Variants in TUSC3 observed in about 807,000 individuals in gnomAD.
TUSC3 encodes the protein dolichyl-diphosphooligosaccharide--protein glycosyltransferase subunit TUSC3.
TUSC3 carries 45 observed loss-of-function variants against 44.8 expected under a neutral mutation model. The ratio of observed to expected loss-of-function variants is 1.00; its 90% CI spans 0.79 to 1.29. The LOEUF is 1.29. TUSC3 is among the 50% of genes most tolerant of loss of function. The pLI, the probability that TUSC3 is intolerant of heterozygous loss-of-function variation, is 0.00. For synonymous variants in TUSC3, 212 were observed against 152.9 expected (o/e 1.39, Z -2.85); for missense variants, 519 against 437.9 (o/e 1.19, Z -1.65).
At chr8:15,495,637 A>T (rs752661276) in intron 2 of TUSC3, among the ~76,000 whole-genome samples, 1 of 152,134 alleles carries the variant, frequency 6.6e-6, no homozygotes, top group Non-Finnish European at 1.5e-5. Context: ...AAATAAGCAC[A>T]GCTCCCTTTG....
At chr8:15,841,423 A>G in the TUSC3 span, among the ~76,000 whole-genome samples, 3 of 152,188 alleles carry the variant, frequency 2.0e-5, no homozygotes, top group Non-Finnish European at 2.9e-5. Context: ...ATTCTAATAT[A>G]ATCAGCCAAA....
chr8:15,566,326 C>T (rs1386949833), intron 1 of TUSC3, among the ~76,000 whole-genome samples: 1 of 152,192 alleles, frequency 6.6e-6, no homozygotes, highest in East Asian at 1.9e-4. Flanking sequence ...TAATTTTTTC[C>T]TGGAGCTCAG....
At chr8:15,747,343 C>T (rs1484283621) in intron 8 of TUSC3, among the ~76,000 whole-genome samples, 1 of 151,828 alleles carries the variant, frequency 6.6e-6, no homozygotes, top group Non-Finnish European at 1.5e-5. Flanking sequence ...TTAGAATTCT[C>T]TGAAGTGAAT....
At chr8:15,473,047 C>T (rs1233877898) in intron 1 of TUSC3, among the ~76,000 whole-genome samples, 1 of 152,116 alleles carries the variant, frequency 6.6e-6, no homozygotes, top group Non-Finnish European at 1.5e-5. Context: ...TATATGCTGC[C>T]TTCATGAAGT....
intron 1 of TUSC3, among the ~76,000 whole-genome samples, chr8:15,450,282 A>G (rs1400010891): frequency 1.3e-5 from 2 of 152,224 alleles, no homozygotes; most frequent in Non-Finnish European, 2.9e-5. Flanking sequence ...TTTAAAAAGT[A>G]TTAATAAATA....
chr8:15,838,766 A>C, the TUSC3 span, among the ~76,000 whole-genome samples: 2 of 152,082 alleles, frequency 1.3e-5, no homozygotes, highest in African/African-American at 4.8e-5. Flanking sequence ...GTAGCCTTGT[A>C]GTATAGTTTG....
At chr8:15,479,621 C>G (rs1800631585) in intron 1 of TUSC3, among the ~76,000 whole-genome samples, 1 of 152,080 alleles carries the variant, frequency 6.6e-6, no homozygotes, top group African/African-American at 2.4e-5. Flanking sequence ...TCTCAGATGT[C>G]TATTCTGTTC....
chr8:15,649,622 G>C (rs546753757), intron 2 of TUSC3, among the ~76,000 whole-genome samples: 1 of 151,408 alleles, frequency 6.6e-6, no homozygotes, highest in Admixed American at 6.6e-5. Flanking sequence ...TATGACATCT[G>C]TTTTTAGCTT....
At chr8:15,450,575 CAGG>C (rs1800184731) in intron 1 of TUSC3, among the ~76,000 whole-genome samples, 1 of 152,074 alleles carries the variant, frequency 6.6e-6, no homozygotes, top group South Asian at 2.1e-4. Flanking sequence ...GAGGCTGAGG[CAGG>C]AGAATAGCTT....
chr8:15,446,749 G>C (rs1185119126), intron 1 of TUSC3, among the ~76,000 whole-genome samples: 1 of 102,296 alleles, frequency 9.8e-6, no homozygotes. Flanking sequence ...GGAGGGAGGG[G>C]GGAGGGGGAG....
intron 6 of TUSC3, among the ~76,000 whole-genome samples, chr8:15,675,623 A>G (rs191075189): frequency 1.3e-5 from 2 of 152,156 alleles, no homozygotes; most frequent in Non-Finnish European, 1.5e-5. Flanking sequence ...AATAGGCTGC[A>G]GTGTCTGCTC....
At chr8:15,542,738 T>C (rs978803494) in intron 1 of TUSC3, among the ~76,000 whole-genome samples, 2 of 152,138 alleles carry the variant, frequency 1.3e-5, no homozygotes, top group African/African-American at 4.8e-5. Flanking sequence ...AAATGAAAAA[T>C]TAGGGAGAAC....
At chr8:15,689,343 T>A (rs1399125418) in intron 6 of TUSC3, 1 of 260,400 alleles carries the variant, frequency 3.8e-6, no homozygotes, top group Non-Finnish European at 7.6e-6. Flanking sequence ...CAACAGCATC[T>A]GGACTCCCAG....
intron 1 of TUSC3, among the ~76,000 whole-genome samples, chr8:15,458,345 C>T (rs972096619): frequency 2.6e-5 from 4 of 152,060 alleles, no homozygotes; most frequent in African/African-American, 9.7e-5. Flanking sequence ...CTCAAACAAT[C>T]CTCCCACCTC....
intron 6 of TUSC3, chr8:15,689,157 C>T (rs1808778061): frequency 4.9e-6 from 2 of 406,814 alleles, no homozygotes; most frequent in East Asian, 7.3e-5. Flanking sequence ...TTTTTCTTTC[C>T]ACTCTGCTTC....
intron 1 of TUSC3, among the ~76,000 whole-genome samples, chr8:15,426,245 CTG>C (rs1038293540): frequency 6.6e-6 from 1 of 152,136 alleles, no homozygotes; most frequent in African/African-American, 2.4e-5. Context: ...TCTTGTTTCT[CTG>C]TGAAAAGAAC....
intron 1 of TUSC3, among the ~76,000 whole-genome samples, chr8:15,617,611 A>G (rs1297007574): frequency 1.3e-5 from 2 of 152,224 alleles, no homozygotes; most frequent in African/African-American, 4.8e-5. Context: ...CTCATTAAGT[A>G]CAGAAGTGGT....
At chr8:15,550,195 C>T (rs1471887758) in intron 1 of TUSC3, among the ~76,000 whole-genome samples, 2 of 151,686 alleles carry the variant, frequency 1.3e-5, no homozygotes, top group East Asian at 1.9e-4. Flanking sequence ...TGGCACCGGG[C>T]TGTCTGTCTG....
intron 2 of TUSC3, among the ~76,000 whole-genome samples, chr8:15,495,969 A>G (rs547090100): frequency 1.3e-5 from 2 of 152,272 alleles, no homozygotes; most frequent in African/African-American, 2.4e-5. Context: ...TAATAAAAAT[A>G]TTGCACCTAC....
Sources: allele counts gnomAD v4.1 joint callset (sites outside exome capture counted in the v4.1 genomes callset), GRCh38; gene constraint gnomAD v4.1.1; transcripts MANE v1.5; gene names NCBI Gene and HGNC (gene_info 2026-07-23, HGNC 2026-07-21).